CYP1A2: variants seen among roughly 807,000 people sequenced by gnomAD.
The protein encoded by CYP1A2 is cytochrome P450 1A2.
A neutral mutation model predicts 34.7 loss-of-function variants in CYP1A2; 35 were observed. The observed-to-expected ratio is 1.01, with a 90% CI of 0.77 to 1.34. The LOEUF (loss-of-function observed/expected upper bound fraction) is 1.34, where lower values mean the gene tolerates loss of function less well. Ranked by LOEUF, CYP1A2 falls within the 40% of genes most tolerant of loss-of-function variation. CYP1A2 has a pLI of 0.00. For missense variants in CYP1A2, 675 were observed against 675.8 expected (o/e 1.00, Z 0.01); for synonymous variants, 288 against 281.9 (o/e 1.02, Z -0.22).
In CYP1A2 at chr15:74,750,145, G is replaced by A. The variant is rs150893756; in HGVS notation, c.407G>A (p.Arg136His). The A allele has an allele frequency of 3.0e-5, 49 of 1,613,910 alleles. No individual in the cohort carries two copies. Among genetic ancestry groups the A allele is most frequent in the Middle Eastern group, 1.6e-4 (1 of 6,084 alleles). The part of the protein sequence containing the change: ...STDSGPVWAA[R>H]RRLAQNALNT... The stretch of plus-strand genomic sequence containing the variant: ...GACTCTGGACCGGTGTGGGCTGCCC[G>A]CCGGCGCCTGGCCCAGAATGCCCTC... The change falls in exon 2 of 7, where the codon CGC becomes CAC. Residue 136 changes from arginine to histidine, a missense_variant. By Grantham distance (29) the Arg-to-His change is conservative. Transcript: ENST00000343932.
chr15:74,753,193 G>A lies in CYP1A2; in HGVS notation c.1176G>A (p.Arg392=). ...LPFTIPHSTT[R]DTTLNGFYIP... Reference sequence around the variant, plus strand: ...CCTCTTCCCTCCTCAGCACAACAAGGGACACAACGCTGAATGGCTTCTACA... The same window carrying A: ...CCTCTTCCCTCCTCAGCACAACAAGAGACACAACGCTGAATGGCTTCTACA... Residue 392 remains arginine, a synonymous_variant, in exon 6 of 7, where the codon AGG becomes AGA. Transcript: ENST00000343932. 1.2e-6 allele frequency: 2 copies of A among 1,613,354 alleles called. No individual in the cohort carries two copies. The highest frequency in any genetic ancestry group is 8.5e-7 in the Non-Finnish European group (1 of 1,179,628).
At chr15:74,752,348 C>A (rs1444809027) in intron 5 of CYP1A2, 101 bp downstream of exon 5, 2 of 1,513,930 alleles carry the variant, frequency 1.3e-6, no homozygotes. Flanking sequence ...TCCTTCCCGA[C>A]CTCGTTCCCC....
At chr15:74,752,355 C>A in intron 5 of CYP1A2, 108 bp downstream of exon 5, 1 of 1,463,530 alleles carries the variant, frequency 6.8e-7, no homozygotes, top group Non-Finnish European at 9.3e-7. Context: ...CGACCTCGTT[C>A]CCCACAGATC....
Position 74,753,167 on chromosome 15 carries a change from C to T in CYP1A2, c.1167-17C>T. 6.2e-7 allele frequency: 1 copy of T among 1,609,040 alleles called. No individual in the cohort carries two copies. Among genetic ancestry groups the T allele is most frequent in the Non-Finnish European group, 8.5e-7 (1 of 1,176,026 alleles). On this transcript the variant is annotated splice_polypyrimidine_tract_variant and intron_variant, in intron 5 of 6. Coordinates refer to ENST00000343932, the MANE Select transcript of CYP1A2 (RefSeq NM_000761.5). ...CTTTCCAGCCCTGAGCCTCACAGTGCCCTCTTCCCTCCTCAGCACAACAAG... is the reference window on the plus strand; with the variant it reads ...CTTTCCAGCCCTGAGCCTCACAGTGTCCTCTTCCCTCCTCAGCACAACAAG...
At position 74,750,574 on chromosome 15, in the gene CYP1A2, G is replaced by C; in HGVS notation, c.831+5G>C. On this transcript the variant is annotated splice_donor_5th_base_variant and intron_variant, in intron 2 of 6. Transcript: ENST00000343932. ...CACTATCAGGACTTTGACAAGGTGA[G>C]CCCGGGGTGCAGGTGGCAAGGGGCA... The C allele has an allele frequency of 6.2e-7, 1 of 1,610,958 alleles. No homozygotes were observed. Among genetic ancestry groups the C allele is most frequent in the South Asian group, 1.1e-5 (1 of 91,022 alleles).
At position 74,753,191 on chromosome 15, in the gene CYP1A2, A is replaced by G. The variant is rs761693521; in HGVS notation, c.1174A>G (p.Arg392Gly). Residue 392 changes from arginine (R) to glycine (G), a missense_variant, in exon 6 of 7, where the codon AGG becomes GGG. Coordinates refer to ENST00000343932, the MANE Select transcript of CYP1A2 (RefSeq NM_000761.5). ...LPFTIPHSTT[R>G]DTTLNGFYIP... ...GCCCTCTTCCCTCCTCAGCACAACA[A>G]GGGACACAACGCTGAATGGCTTCTA... 5.0e-6 allele frequency: 8 copies of G among 1,613,302 alleles called. No individual in the cohort carries two copies. In the South Asian group the frequency reaches 6.6e-5, roughly 13 times the overall value.
chr15:74,755,294 G>T lies in CYP1A2; in HGVS notation c.*206G>T. On this transcript the variant is annotated 3_prime_UTR_variant, in exon 7 of 7. Transcript: ENST00000343932. ...AGCCTGGCCAACATAGTGGGACCCT[G>T]TCTCTACAAAAAAAAAATTTGCCAA... 3 of 497,844 alleles carry T rather than the reference G, an allele frequency of 6.0e-6. No individual in the cohort carries two copies. The highest frequency in any genetic ancestry group is 7.6e-5 in the East Asian group (2 of 26,262). The allele number at this position is 497,844 out of a possible 1,614,324, so 30.8% of individuals were successfully genotyped here.
chr15:74,755,102 A>G lies in CYP1A2; in HGVS notation c.*14A>G. On this transcript the variant is annotated 3_prime_UTR_variant, in exon 7 of 7. Coordinates refer to ENST00000343932, the MANE Select transcript of CYP1A2 (RefSeq NM_000761.5). ...TCCATCAATTGAAGAAGACACCACC[A>G]TTCTGAGGCCAGGGAGCGAGTGGGG... The G allele has an allele frequency of 1.9e-6, 3 of 1,593,720 alleles. No homozygotes were observed. The highest frequency in any genetic ancestry group is 2.6e-6 in the Non-Finnish European group (3 of 1,168,216).
chr15:74,750,766 T>C (rs1448881726), intron 2 of CYP1A2, among the ~76,000 whole-genome samples, 197 bp downstream of exon 2: 1 of 152,118 alleles, frequency 6.6e-6, no homozygotes, highest in Non-Finnish European at 1.5e-5. Context: ...TGAAGCCCCC[T>C]TCTCAGGGCT....
Position 74,751,253 on chromosome 15 carries a change from G to T in CYP1A2, c.896G>T (p.Gly299Val), listed in dbSNP as rs750975192. 1.2e-6 allele frequency: 2 copies of T among 1,614,146 alleles called. No homozygotes were observed. Among genetic ancestry groups the T allele is most frequent in the East Asian group, 4.5e-5 (2 of 44,890 alleles). ...AGCAAGAAGGGGCCTAGAGCCAGCG[G>T]CAACCTCATCCCACAGGAGAAGATT... Reference protein sequence around the residue: ...KHSKKGPRASGNLIPQEKIVN... With the variant: ...KHSKKGPRASVNLIPQEKIVN... The change falls in exon 3 of 7, where the codon GGC (glycine) becomes GTC (valine). Residue 299 changes from glycine (G) to valine (V), a missense_variant. Coordinates refer to ENST00000343932, the MANE Select transcript of CYP1A2 (RefSeq NM_000761.5).
Position 74,749,786 on chromosome 15 carries a change from G to A in CYP1A2, c.48G>A (p.Leu16=), listed in dbSNP as rs747676615. The A allele has an allele frequency of 2.5e-6, 4 of 1,570,626 alleles. No homozygotes were observed. Among genetic ancestry groups the A allele is most frequent in the Non-Finnish European group, 3.5e-6 (4 of 1,155,196 alleles). The part of the protein sequence containing the change: ...SVPFSATELL[L]ASAIFCLVFW... ...CCTTCTCGGCCACAGAGCTTCTCCTGGCCTCTGCCATCTTCTGCCTGGTAT... is the reference window on the plus strand; with the variant it reads ...CCTTCTCGGCCACAGAGCTTCTCCTAGCCTCTGCCATCTTCTGCCTGGTAT... Residue 16 remains leucine (L), a synonymous_variant, in exon 2 of 7, where the codon CTG becomes CTA. Coordinates refer to ENST00000343932, the MANE Select transcript of CYP1A2 (RefSeq NM_000761.5).
chr15:74,749,842 T>TC lies in CYP1A2; in HGVS notation c.108dup (p.Lys37GlnfsTer74). Reference sequence around the variant, plus strand: ...GTGCTCAAGGGTTTGAGGCCTCGGGTCCCCAAAGGCCTGAAAAGTCCACCA... The same window carrying TC: ...GTGCTCAAGGGTTTGAGGCCTCGGGTCCCCCAAAGGCCTGAAAAGTCCACCA... On this transcript the variant is annotated frameshift_variant, in exon 2 of 7. Transcript: ENST00000343932. LOFTEE classifies it high-confidence loss of function. 6.2e-7 allele frequency: 1 copy of TC among 1,605,888 alleles called. No individual in the cohort carries two copies. The highest frequency in any genetic ancestry group is 1.1e-5 in the South Asian group (1 of 90,514).
chr15:74,749,365 T>C (rs993383302), intron 1 of CYP1A2, among the ~76,000 whole-genome samples: 1 of 152,148 alleles, frequency 6.6e-6, no homozygotes, highest in African/African-American at 2.4e-5. Context: ...GACTCTTTGG[T>C]ACAATACCCA....
At chr15:74,752,066 T>A in intron 4 of CYP1A2, 58 bp from the exon 5 acceptor site, 1 of 1,606,330 alleles carries the variant, frequency 6.2e-7, no homozygotes, top group East Asian at 2.2e-5. Flanking sequence ...TAAGAGGGGA[T>A]AATTCATGGG....
rs1005714499 is a variant in CYP1A2 at position 74,755,227 on chromosome 15, G to T, written c.*139G>T. On this transcript the variant is annotated 3_prime_UTR_variant, in exon 7 of 7. Coordinates refer to ENST00000343932, the MANE Select transcript of CYP1A2 (RefSeq NM_000761.5). ...GGCCTGTAATCCCAGCATTTTAGGA[G>T]GCCAAGGTTGGAGGATCATTTGAGC... is the stretch of plus-strand genomic sequence containing the variant. 4 of 954,432 alleles carry T rather than the reference G, an allele frequency of 4.2e-6. No individual in the cohort carries two copies. The highest frequency in any genetic ancestry group is 6.0e-6 in the Non-Finnish European group (4 of 661,518). 59.1% of individuals were successfully genotyped at this position (954,432 alleles called of 1,614,324 possible). A position where few individuals can be genotyped will look rare whatever the true frequency, so the allele number is the denominator to read the frequency against.
In CYP1A2 at chr15:74,749,777, G is replaced by A. The variant is rs1653592245; in HGVS notation, c.39G>A (p.Glu13=). The A allele has an allele frequency of 6.4e-7, 1 of 1,556,474 alleles. No homozygotes were observed. The highest frequency in any genetic ancestry group is 8.7e-7 in the Non-Finnish European group (1 of 1,148,436). ...AGTCTGTTCCCTTCTCGGCCACAGAGCTTCTCCTGGCCTCTGCCATCTTCT... is the reference window on the plus strand; with the variant it reads ...AGTCTGTTCCCTTCTCGGCCACAGAACTTCTCCTGGCCTCTGCCATCTTCT... ...LSQSVPFSAT[E]LLLASAIFCL... is the part of the protein sequence containing the mutation. The change falls in exon 2 of 7, where the codon GAG becomes GAA. Residue 13 remains glutamate, a synonymous_variant. Transcript: ENST00000343932.
rs1352215199 is a variant in CYP1A2 at position 74,750,415 on chromosome 15, TC to T, written c.678del (p.Phe226LeufsTer109). 6.2e-7 allele frequency: 1 copy of T among 1,614,032 alleles called. No individual in the cohort carries two copies. The highest frequency in any genetic ancestry group is 1.3e-5 in the African/African-American group (1 of 74,896). On this transcript the variant is annotated frameshift_variant, in exon 2 of 7. Transcript: ENST00000343932. LOFTEE classifies it high-confidence loss of function. ...AGCCTCGTGAAGAACACTCATGAGT[TC>T]GTGGAGACTGCCTCCTCCGGGAACC... ...MLSLVKNTHE[F>X]VETASSGNPL...
Position 74,751,230 on chromosome 15 carries a change from C to A in CYP1A2, c.873C>A (p.Ser291Arg). The A allele has an allele frequency of 6.8e-6, 11 of 1,614,112 alleles. No individual in the cohort carries two copies. Among genetic ancestry groups the A allele is most frequent in the Non-Finnish European group, 9.3e-6 (11 of 1,179,988 alleles). Residue 291 changes from serine to arginine, a missense_variant, in exon 3 of 7, where the codon AGC becomes AGA. Transcript: ENST00000343932. ...RDITGALFKHSKKGPRASGNL... is the reference protein window; with the variant it reads ...RDITGALFKHRKKGPRASGNL... ...TCACGGGTGCCCTGTTCAAGCACAG[C>A]AAGAAGGGGCCTAGAGCCAGCGGCA...
In CYP1A2 at chr15:74,754,895, T is replaced by G; in HGVS notation, c.1358T>G (p.Met453Arg). 2 of 1,614,242 alleles carry G rather than the reference T, an allele frequency of 1.2e-6. No homozygotes were observed. Among genetic ancestry groups the G allele is most frequent in the African/African-American group, 2.7e-5 (2 of 75,062 alleles). ...AGTGAGAAGATGATGCTGTTTGGCA[T>G]GGGCAAGCGCCGGTGTATCGGGGAA... The part of the protein sequence containing the change: ...PLSEKMMLFG[M>R]GKRRCIGEVL... Residue 453 changes from methionine (M) to arginine (R), a missense_variant, in exon 7 of 7, where the codon ATG becomes AGG. Met to Arg is a moderately conservative substitution (Grantham distance 91). Coordinates refer to ENST00000343932, the MANE Select transcript of CYP1A2 (RefSeq NM_000761.5).
Sources: allele counts gnomAD v4.1 joint callset (sites outside exome capture counted in the v4.1 genomes callset), GRCh38; gene constraint gnomAD v4.1.1; transcripts MANE v1.5; gene names NCBI Gene and HGNC (gene_info 2026-07-23, HGNC 2026-07-21).